Variants in CFAP97 observed in about 807,000 individuals in gnomAD.
CFAP97 encodes cilia- and flagella-associated protein 97.
CFAP97 carries 36 observed loss-of-function variants against 43.1 expected under a neutral mutation model. That is an observed-to-expected ratio of 0.84 (90% CI 0.64 to 1.10). The LOEUF (loss-of-function observed/expected upper bound fraction) is 1.10. Among genes scored for constraint, CFAP97 ranks in the 50% least tolerant of loss-of-function variants. The pLI, the probability that CFAP97 is intolerant of heterozygous loss-of-function variation, is 0.00. For missense variants in CFAP97, 657 were observed against 620.3 expected, an observed-to-expected ratio of 1.06 and a Z score of -0.63; for synonymous variants, 228 against 225.7, an observed-to-expected ratio of 1.01 and a Z score of -0.09.
chr4:185,190,126 G>C lies in CFAP97; in HGVS notation c.1054+17C>G. ...ATAATATTTAAACACACATTTTTAA[G>C]AAGAAAAGAAAATTACCTTTCAAGA... On this transcript the variant is annotated intron_variant, in intron 2 of 4. Transcript: ENST00000458385. 5 of 1,517,242 alleles carry C rather than the reference G, an allele frequency of 3.3e-6. No homozygotes were observed. Among genetic ancestry groups the C allele is most frequent in the Non-Finnish European group, 4.4e-6 (5 of 1,127,328 alleles). The allele number at this position is 1,517,242 out of a possible 1,614,324, so 94.0% of individuals were successfully genotyped here.
At position 185,175,370 on chromosome 4, in the gene CFAP97, GCTCCTCC is replaced by G. The variant is rs888041165; in HGVS notation, c.1320+409_1320+415del. Among the ~76,000 whole-genome samples the G allele has an allele frequency of 1.9e-4, 29 of 152,110 alleles. No homozygotes were observed. In the South Asian group the frequency reaches 2.5e-3, roughly 13 times the overall value. On this transcript the variant is annotated intron_variant, in intron 3 of 4. Coordinates refer to ENST00000458385, the MANE Select transcript of CFAP97 (RefSeq NM_020827.3). ...TAACCTCCGCCTCCCGGGTTCAGAT[GCTCCTCC>G]CACCTCAGCTTTCCAAGTATCTGGG... is the stretch of plus-strand genomic sequence containing the variant.
intron 1 of CFAP97, among the ~76,000 whole-genome samples, chr4:185,203,440 G>T (rs1356039290): frequency 1.3e-5 from 2 of 152,118 alleles, no homozygotes; most frequent in African/African-American, 4.8e-5. Flanking sequence ...TGCCCAATTG[G>T]GTACATGAAA....
At chr4:185,180,441 C>T (rs529294185) in intron 2 of CFAP97, among the ~76,000 whole-genome samples, 4 of 152,270 alleles carry the variant, frequency 2.6e-5, no homozygotes, top group Non-Finnish European at 5.9e-5. Flanking sequence ...CCCTTCCCTT[C>T]GCCTCTGGAA....
chr4:185,175,665 C>T, intron 3 of CFAP97, 121 bp downstream of exon 3: 1 of 855,456 alleles, frequency 1.2e-6, no homozygotes, highest in East Asian at 2.4e-5. Flanking sequence ...ACCACACATA[C>T]CGCACCTGCT....
chr4:185,184,122 C>T (rs1355352563), intron 2 of CFAP97, among the ~76,000 whole-genome samples: 1 of 152,120 alleles, frequency 6.6e-6, no homozygotes, highest in Non-Finnish European at 1.5e-5. Flanking sequence ...AGACCATGGT[C>T]CCTAGATCTG....
At chr4:185,173,485 T>G (rs1206727500) in intron 3 of CFAP97, among the ~76,000 whole-genome samples, 1 of 151,834 alleles carries the variant, frequency 6.6e-6, no homozygotes, top group South Asian at 2.1e-4. Flanking sequence ...CATGAACAGA[T>G]AGTTGCCAAT....
At chr4:185,188,958 C>T (rs537110097) in intron 2 of CFAP97, among the ~76,000 whole-genome samples, 5 of 152,188 alleles carry the variant, frequency 3.3e-5, no homozygotes, top group Non-Finnish European at 5.9e-5. Context: ...TACAAAAGGG[C>T]CAGATGCAGT....
rs79409834 is a variant in CFAP97, at chr4:185,187,301, G to A, written c.1054+2842C>T. Among the ~76,000 whole-genome samples, 766 of 152,240 alleles carry A rather than the reference G, an allele frequency of 5.0e-3. 17 individuals carry two copies. In the East Asian group the frequency reaches 0.077, roughly 15 times the overall value. On this transcript the variant is annotated intron_variant, in intron 2 of 4. Transcript: ENST00000458385. ...AGCTGTGCAACAGAAGCAGTTTCCT[G>A]ACAGTCCCTTCAGTCTACAAATACT...
chr4:185,188,668 A>C (rs886683469), intron 2 of CFAP97, among the ~76,000 whole-genome samples: 4 of 151,894 alleles, frequency 2.6e-5, no homozygotes, highest in African/African-American at 9.7e-5. Flanking sequence ...TATAAGAGTA[A>C]GTCACTGAAG....
chr4:185,169,758 AG>A (rs375062413), intron 3 of CFAP97: 42 of 985,366 alleles, frequency 4.3e-5, no homozygotes, highest in Middle Eastern at 5.2e-4. Flanking sequence ...GACACTAAAA[AG>A]TAACAACTGT....
intron 4 of CFAP97, 108 bp downstream of exon 4, chr4:185,163,921 C>T (rs574978856): frequency 1.8e-5 from 17 of 934,622 alleles, no homozygotes; most frequent in Non-Finnish European, 1.9e-5. Context: ...AATAACAGAA[C>T]GCATTCCAGA....
At chr4:185,205,552 C>T (rs1737150602), upstream of CFAP97, among the ~76,000 whole-genome samples, 1 of 151,956 alleles carries the variant, frequency 6.6e-6, no homozygotes, top group Admixed American at 6.6e-5. Flanking sequence ...GTGGTTGGCC[C>T]GGCGCGGTGG....
At chr4:185,191,553 C>A (rs763250648) in intron 1 of CFAP97, among the ~76,000 whole-genome samples, 3 of 152,100 alleles carry the variant, frequency 2.0e-5, no homozygotes, top group African/African-American at 7.2e-5. Context: ...AGAAAAAGGC[C>A]GGGCGCGGTG....
chr4:185,206,104 G>A (rs529999794), upstream of CFAP97, among the ~76,000 whole-genome samples: 53 of 152,314 alleles, frequency 3.5e-4, no homozygotes, highest in African/African-American at 1.2e-3. Flanking sequence ...AGTATGGCAT[G>A]TTCTGAAAAA....
In CFAP97 at chr4:185,162,648, T is replaced by G. The variant is rs899380454; in HGVS notation, c.*150A>C. ...CATTAAATCGTTTTTTGACAATAATTTTGCACTGAATAACAATACATTACA... is the reference window on the plus strand; with the variant it reads ...CATTAAATCGTTTTTTGACAATAATGTTGCACTGAATAACAATACATTACA... On this transcript the variant is annotated 3_prime_UTR_variant, in exon 5 of 5. Transcript: ENST00000458385. 1 of 786,128 alleles carries G rather than the reference T, an allele frequency of 1.3e-6. No homozygotes were observed. Among genetic ancestry groups the G allele is most frequent in the Admixed American group, 3.1e-5 (1 of 32,300 alleles). 48.7% of individuals were successfully genotyped at this position (786,128 alleles called of 1,614,324 possible).
intron 3 of CFAP97, chr4:185,169,690 G>A (rs966841092): frequency 5.2e-5 from 51 of 985,332 alleles, no homozygotes; most frequent in African/African-American, 2.3e-4. Flanking sequence ...TTCTGCAGCC[G>A]TTAGCAGAGG....
In CFAP97 at chr4:185,159,723, A is replaced by C. The variant is rs2111298256; in HGVS notation, c.*3075T>G. ...TGCCAGGCTAGTTCTAAATGCCTAA[A>C]ATACATTAAAATGGAACAGAAAATC... On this transcript the variant is annotated 3_prime_UTR_variant, in exon 5 of 5. Coordinates refer to ENST00000458385, the MANE Select transcript of CFAP97 (RefSeq NM_020827.3). 2.0e-5 allele frequency: 3 copies of C among 152,318 alleles called. 1 individual carries two copies. In the South Asian group the frequency reaches 6.2e-4, roughly 32 times the overall value. The allele number at this position is 152,318 out of a possible 1,614,324, so 9.4% of individuals were successfully genotyped here. A position where few individuals can be genotyped will look rare whatever the true frequency, so the allele number is the denominator to read the frequency against.
chr4:185,190,839 T>C lies in CFAP97; in HGVS notation c.358A>G (p.Ile120Val), dbSNP rs1736214333. The C allele has an allele frequency of 1.2e-6, 2 of 1,610,242 alleles. No individual in the cohort carries two copies. Among genetic ancestry groups the C allele is most frequent in the Non-Finnish European group, 1.7e-6 (2 of 1,177,934 alleles). The change falls in exon 2 of 5, where the codon ATT (isoleucine) becomes GTT (valine). Residue 120 changes from isoleucine (I) to valine (V), a missense_variant. Physicochemically the swap from Ile to Val is conservative, Grantham distance 29. Coordinates refer to ENST00000458385, the MANE Select transcript of CFAP97 (RefSeq NM_020827.3). ...LKIHVSIPNR[I>V]PKIVKEGEDD... ...TCACCTTCTTTTACAATTTTGGGAATTCTATTTGGAATGGACACGTGTATT... is the reference window on the plus strand; with the variant it reads ...TCACCTTCTTTTACAATTTTGGGAACTCTATTTGGAATGGACACGTGTATT...
chr4:185,206,418 C>T (rs1047635394), upstream of CFAP97, among the ~76,000 whole-genome samples: 20 of 152,018 alleles, frequency 1.3e-4, no homozygotes, highest in African/African-American at 4.8e-4. Flanking sequence ...CTCCTGTAAT[C>T]CCAGCACTTT....
Sources: allele counts gnomAD v4.1 joint callset (sites outside exome capture counted in the v4.1 genomes callset), GRCh38; gene constraint gnomAD v4.1.1; transcripts MANE v1.5; gene names NCBI Gene and HGNC (gene_info 2026-07-23, HGNC 2026-07-21).